MYBL2: variants seen among roughly 807,000 people sequenced by gnomAD.
MYBL2 encodes the protein MYB proto-oncogene like 2, also known as myb-related protein B.
MYBL2 carries 28 observed loss-of-function variants against 79.9 expected under a neutral mutation model. The observed-to-expected ratio is 0.35, with a 90% confidence interval of 0.26 to 0.48. MYBL2 has a LOEUF of 0.48. MYBL2 is among the 20% of genes least tolerant of loss of function. MYBL2 has a pLI of 0.99. For missense variants in MYBL2, 735 were observed against 893.9 expected, an observed-to-expected ratio of 0.82 and a Z score of 2.27; for synonymous variants, 378 against 361.2, an observed-to-expected ratio of 1.05 and a Z score of -0.53.
chr20:43,692,414 T>C (rs1278113174), intron 6 of MYBL2, 95 bp downstream of exon 6: 4 of 1,492,570 alleles, frequency 2.7e-6, no homozygotes, highest in Non-Finnish European at 3.6e-6. Context: ...GGTCAGTTTC[T>C]GCCACAGAGT....
At chr20:43,703,123 G>A (rs1568872861) in intron 8 of MYBL2, among the ~76,000 whole-genome samples, 2 of 152,230 alleles carry the variant, frequency 1.3e-5, no homozygotes, top group Non-Finnish European at 2.9e-5. Flanking sequence ...GGCAAGTCCA[G>A]GAAGACTGCC....
rs774690662 is a variant in MYBL2 at position 43,705,309 on chromosome 20, A to C, written c.1456A>C (p.Thr486Pro). ...AGTGTGCAGCCAGAAGGTGGTGGTC[A>C]CCACACCACTGCACCGGGACAAGAC... ...TPVCSQKVVV[T>P]TPLHRDKTPL... Residue 486 changes from threonine (T) to proline (P), a missense_variant, in exon 9 of 14, where the codon ACC becomes CCC. Thr to Pro is a conservative substitution (Grantham distance 38, BLOSUM62 -1). Coordinates refer to ENST00000217026, the MANE Select transcript of MYBL2 (RefSeq NM_002466.4). 1.2e-6 allele frequency: 2 copies of C among 1,614,070 alleles called. No individual in the cohort carries two copies. The highest frequency in any genetic ancestry group is 1.7e-6 in the Non-Finnish European group (2 of 1,179,982).
Position 43,702,779 on chromosome 20 carries a change from G to A in MYBL2, c.1241G>A (p.Arg414Lys), listed in dbSNP as rs914314394. 3 of 1,614,222 alleles carry A rather than the reference G, an allele frequency of 1.9e-6. No homozygotes were observed. Among genetic ancestry groups the A allele is most frequent in the Non-Finnish European group, 2.5e-6 (3 of 1,180,044 alleles). Residue 414 changes from arginine (R) to lysine (K), a missense_variant, in exon 8 of 14, where the codon AGG becomes AAG. Arg to Lys is a conservative substitution (Grantham distance 26). This residue lies in a region of MYBL2 where 243 missense variants were observed against 327.2 expected (regional missense o/e 0.74). Transcript: ENST00000217026. The stretch of plus-strand genomic sequence containing the variant: ...CCGCCCTCTGTGCTCAAGCGGCAGA[G>A]GAAGAGGCGTGTGGCTCTGTCCCCT... ...GTPPSVLKRQ[R>K]KRRVALSPVT... is the part of the protein sequence containing the mutation.
intron 6 of MYBL2, among the ~76,000 whole-genome samples, chr20:43,696,683 A>G (rs1987550136): frequency 6.6e-6 from 1 of 152,302 alleles, no homozygotes; most frequent in Non-Finnish European, 1.5e-5. Context: ...CAATGCTATA[A>G]TGATCATCAT....
chr20:43,715,357 C>A, intron 13 of MYBL2, 74 bp downstream of exon 13: 6 of 1,596,516 alleles, frequency 3.8e-6, no homozygotes, highest in Non-Finnish European at 5.1e-6. Context: ...CTGGCCATCC[C>A]TGGGGGTCCT....
Position 43,716,232 on chromosome 20 carries a change from A to G in MYBL2, c.*145A>G, listed in dbSNP as rs1988031454. 3 of 1,288,932 alleles carry G rather than the reference A, an allele frequency of 2.3e-6. No individual in the cohort carries two copies. In the South Asian group the frequency reaches 4.1e-5, roughly 18 times the overall value. 79.8% of individuals were successfully genotyped at this position (1,288,932 alleles called of 1,614,324 possible). A position where few individuals can be genotyped will look rare whatever the true frequency, so the allele number is the denominator to read the frequency against. ...CTCCCCAGACTCTCAGGTGGAGGCA[A>G]CAGGGCCATGTGCTGCCCTGTTGCC... is the stretch of plus-strand genomic sequence containing the variant. On this transcript the variant is annotated 3_prime_UTR_variant, in exon 14 of 14. Coordinates refer to ENST00000217026, the MANE Select transcript of MYBL2 (RefSeq NM_002466.4).
At chr20:43,677,931 T>C (rs1423897654) in intron 2 of MYBL2, among the ~76,000 whole-genome samples, 3 of 152,172 alleles carry the variant, frequency 2.0e-5, no homozygotes, top group South Asian at 4.1e-4. Context: ...GAGGTAGACA[T>C]GGGAGACTTT....
chr20:43,668,568 C>T (rs1986779897), intron 1 of MYBL2, among the ~76,000 whole-genome samples: 1 of 152,098 alleles, frequency 6.6e-6, no homozygotes, highest in South Asian at 2.1e-4. Flanking sequence ...TAGATTTTTG[C>T]CCTTTCAGGC....
At chr20:43,686,049 A>G (rs1987265576) in intron 4 of MYBL2, among the ~76,000 whole-genome samples, 1 of 152,208 alleles carries the variant, frequency 6.6e-6, no homozygotes, top group Admixed American at 6.5e-5. Flanking sequence ...AAAAAAATAA[A>G]TAAAAAATAA....
intron 5 of MYBL2, 28 bp downstream of exon 5, chr20:43,687,100 A>G (rs1485022909): frequency 5.0e-6 from 8 of 1,605,364 alleles, no homozygotes; most frequent in South Asian, 1.1e-5. Flanking sequence ...GGGTTGGGAC[A>G]GGTTCCCGGG....
chr20:43,675,781 G>GTA (rs779308250), intron 2 of MYBL2, among the ~76,000 whole-genome samples: 2,314 of 151,752 alleles, frequency 0.015, 37 homozygotes, highest in South Asian at 0.041. Context: ...GTGTGTGTGT[G>GTA]TGTGTTGTTT....
intron 1 of MYBL2, among the ~76,000 whole-genome samples, chr20:43,671,947 C>A (rs140575213): frequency 6.6e-6 from 1 of 151,542 alleles, no homozygotes; most frequent in South Asian, 2.1e-4. Flanking sequence ...CGGTGGCTCA[C>A]GCCTGTAATC....
At chr20:43,681,946 G>T in intron 3 of MYBL2, 91 bp downstream of exon 3, 1 of 1,360,464 alleles carries the variant, frequency 7.4e-7, no homozygotes, top group East Asian at 2.4e-5. Context: ...AGGGGAAAAG[G>T]GAGTTCCTTA....
At chr20:43,686,291 CCT>C (rs1240300115) in intron 4 of MYBL2, among the ~76,000 whole-genome samples, 3 of 151,982 alleles carry the variant, frequency 2.0e-5, no homozygotes, top group Non-Finnish European at 4.4e-5. Flanking sequence ...TGGTTTGTGT[CCT>C]GAGCTAGGAA....
rs1056768609 is a variant in MYBL2, at chr20:43,715,210, G to C, written c.1901G>C (p.Gly634Ala). The change falls in exon 13 of 14, where the codon GGC becomes GCC. Residue 634 changes from glycine to alanine, a missense_variant. Gly to Ala is a moderately conservative substitution (Grantham distance 60, BLOSUM62 0). This residue lies in a region of MYBL2 where 204 missense variants were observed against 202.9 expected (regional missense o/e 1.01). Coordinates refer to ENST00000217026, the MANE Select transcript of MYBL2 (RefSeq NM_002466.4). ...GAAGACAACAGCTTGCTCAACCAGGGCTTCTTGCAGGCCAAGCCCGAGAAG... is the reference window on the plus strand; with the variant it reads ...GAAGACAACAGCTTGCTCAACCAGGCCTTCTTGCAGGCCAAGCCCGAGAAG... ...IKEDNSLLNQ[G>A]FLQAKPEKAA... 2.5e-6 allele frequency: 4 copies of C among 1,614,126 alleles called. No individual in the cohort carries two copies. Among genetic ancestry groups the C allele is most frequent in the Non-Finnish European group, 3.4e-6 (4 of 1,180,064 alleles).
At chr20:43,680,020 A>G (rs1417531239) in intron 2 of MYBL2, among the ~76,000 whole-genome samples, 2 of 51,758 alleles carry the variant, frequency 3.9e-5, no homozygotes, top group East Asian at 1.1e-3. Flanking sequence ...TGTGATTTTG[A>G]CTATTTTATT....
chr20:43,710,161 A>C, intron 10 of MYBL2, 99 bp downstream of exon 10: 13 of 934,774 alleles, frequency 1.4e-5, no homozygotes, highest in Non-Finnish European at 1.9e-5. Flanking sequence ...CTGAGGTCTC[A>C]TTTGATTCTT....
In MYBL2 at chr20:43,681,870, G is replaced by T. The variant is rs182947121; in HGVS notation, c.186+15G>T. ...GCCACTTCCCTGTGAGTACAGTCCT[G>T]CTGTGGCCCTCCCTCGGGGCAAGGG... is the stretch of plus-strand genomic sequence containing the variant. On this transcript the variant is annotated intron_variant, in intron 3 of 13. Coordinates refer to ENST00000217026, the MANE Select transcript of MYBL2 (RefSeq NM_002466.4). 5.0e-6 allele frequency: 8 copies of T among 1,613,520 alleles called. No individual in the cohort carries two copies. In the East Asian group the frequency reaches 1.3e-4, roughly 27 times the overall value.
In MYBL2 at chr20:43,674,645, C is replaced by T. The variant is rs560141925; in HGVS notation, c.114+746C>T. Among the ~76,000 whole-genome samples, 11 of 151,848 alleles carry T rather than the reference C, an allele frequency of 7.2e-5. No homozygotes were observed. In the East Asian group the frequency reaches 7.8e-4, roughly 11 times the overall value. ...TCCTGACCTCATGATCTGCCCGCCTCGGCCTCCCATAGTGCTGGGATTACA... is the reference window on the plus strand; with the variant it reads ...TCCTGACCTCATGATCTGCCCGCCTTGGCCTCCCATAGTGCTGGGATTACA... On this transcript the variant is annotated intron_variant, in intron 2 of 13. Transcript: ENST00000217026.
Sources: allele counts gnomAD v4.1 joint callset (sites outside exome capture counted in the v4.1 genomes callset), GRCh38; gene constraint gnomAD v4.1.1; regional missense constraint gnomAD v4.1.1; transcripts MANE v1.5; gene names NCBI Gene and HGNC (gene_info 2026-07-23, HGNC 2026-07-21).